SF3A3: variants seen among roughly 807,000 people sequenced by gnomAD.
The protein encoded by SF3A3 is splicing factor 3a subunit 3, also known as SAP 61.
SF3A3 carries 9 observed loss-of-function variants against 85.8 expected under a neutral mutation model. The observed-to-expected ratio is 0.10, with a 90% CI of 0.06 to 0.18. SF3A3 has a LOEUF of 0.18. SF3A3 is among the 10% of genes least tolerant of loss of function. SF3A3 has a pLI of 1.00. For missense variants in SF3A3, 306 were observed against 593.3 expected, an observed-to-expected ratio of 0.52 and a Z score of 5.03; for synonymous variants, 195 against 204.4, an observed-to-expected ratio of 0.95 and a Z score of 0.39.
intron 15 of SF3A3, among the ~76,000 whole-genome samples, chr1:37,965,831 G>A (rs1387601092): frequency 6.6e-6 from 1 of 150,574 alleles, no homozygotes; most frequent in Non-Finnish European, 1.5e-5. Context: ...AGTGGGGGGT[G>A]GGATGGGGGG....
chr1:37,962,331 C>A (rs1170434733), intron 15 of SF3A3, among the ~76,000 whole-genome samples: 1 of 137,976 alleles, frequency 7.2e-6, no homozygotes, highest in Non-Finnish European at 1.5e-5. Flanking sequence ...AGGCTGGGCG[C>A]GGTGGCTCAC....
At chr1:37,984,309 T>G in intron 5 of SF3A3, 49 bp from the exon 6 acceptor site, 1 of 1,082,186 alleles carries the variant, frequency 9.2e-7, no homozygotes, top group Non-Finnish European at 1.4e-6. Context: ...GACCACTCTC[T>G]TGGACTTACC....
intron 12 of SF3A3, among the ~76,000 whole-genome samples, chr1:37,972,222 G>A (rs961294921): frequency 2.6e-5 from 4 of 152,008 alleles, no homozygotes; most frequent in Non-Finnish European, 2.9e-5. Context: ...ACAGATAAAC[G>A]GAGAGCCAAA....
At chr1:37,979,673 T>A in intron 8 of SF3A3, 140 bp from the exon 9 acceptor site, 1 of 574,800 alleles carries the variant, frequency 1.7e-6, no homozygotes. Context: ...CAGGGAAACA[T>A]GGTGAAATCT....
rs111362437 is a variant in SF3A3 at position 37,968,012 on chromosome 1, C to T, written c.1372+32G>A. 82 of 1,377,358 alleles carry T rather than the reference C, an allele frequency of 6.0e-5. 1 individual carries two copies. Among genetic ancestry groups the T allele is most frequent in the Middle Eastern group, 1.8e-4 (1 of 5,566 alleles). 85.3% of individuals were successfully genotyped at this position (1,377,358 alleles called of 1,614,324 possible). On this transcript the variant is annotated intron_variant, in intron 15 of 16. Coordinates refer to ENST00000373019, the MANE Select transcript of SF3A3 (RefSeq NM_006802.4). ...TTGAAGGAGTAGAGCCATTTGTACT[C>T]GCCTAGGAGACAGTAAATAAATCTT... is the stretch of plus-strand genomic sequence containing the variant.
intron 9 of SF3A3, 71 bp from the exon 10 acceptor site, chr1:37,979,126 G>C: frequency 7.9e-7 from 1 of 1,259,252 alleles, no homozygotes; most frequent in Non-Finnish European, 1.2e-6. Context: ...GCAGGCCAGA[G>C]GGTGGGTGTT....
chr1:37,973,982 C>G (rs1332292596), intron 12 of SF3A3, among the ~76,000 whole-genome samples: 3 of 152,012 alleles, frequency 2.0e-5, no homozygotes, highest in Non-Finnish European at 2.9e-5. Context: ...ATCGCAAGGA[C>G]AGAAAACCAA....
At chr1:37,971,489 C>A (rs1646344293) in intron 12 of SF3A3, among the ~76,000 whole-genome samples, 2 of 152,158 alleles carry the variant, frequency 1.3e-5, no homozygotes, top group Admixed American at 6.6e-5. Context: ...AGAGGGAATC[C>A]TCCCTAACTC....
chr1:37,969,492 C>T (rs1344772349), intron 13 of SF3A3, 28 bp from the exon 14 acceptor site: 2 of 1,612,426 alleles, frequency 1.2e-6, no homozygotes, highest in Non-Finnish European at 1.7e-6. Flanking sequence ...AAAACAAAAC[C>T]AAGAAGTGTT....
In SF3A3 at chr1:37,960,353, C is replaced by T. The variant is rs557670312; in HGVS notation, c.1373-178G>A. 4.6e-5 allele frequency: 24 copies of T among 525,134 alleles called. No individual in the cohort carries two copies. The South Asian group carries it at 7.0e-4, about 15-fold the overall frequency. The allele number at this position is 525,134 out of a possible 1,614,324, so 32.5% of individuals were successfully genotyped here. On this transcript the variant is annotated intron_variant, in intron 15 of 16. Coordinates refer to ENST00000373019, the MANE Select transcript of SF3A3 (RefSeq NM_006802.4). Reference sequence around the variant, plus strand: ...CCACCTATAGACAAAACCCTTTCCACTGCAAAATTCATCATGATCTTGCTT... The same window carrying T: ...CCACCTATAGACAAAACCCTTTCCATTGCAAAATTCATCATGATCTTGCTT...
intron 6 of SF3A3, among the ~76,000 whole-genome samples, chr1:37,982,480 C>T (rs1646426191): frequency 6.6e-6 from 1 of 151,820 alleles, no homozygotes; most frequent in South Asian, 2.1e-4. Context: ...AAGCGATTCT[C>T]CTGCCTCAGC....
intron 6 of SF3A3, 128 bp from the exon 7 acceptor site, chr1:37,981,939 TTTGG>T: frequency 1.7e-6 from 1 of 591,788 alleles, no homozygotes; most frequent in Non-Finnish European, 2.9e-6. Context: ...GCTGGCTAAT[TTTGG>T]TTTTTTTTGC....
At chr1:37,963,543 GA>G (rs1465837825) in intron 15 of SF3A3, among the ~76,000 whole-genome samples, 1 of 151,670 alleles carries the variant, frequency 6.6e-6, no homozygotes, top group Non-Finnish European at 1.5e-5. Context: ...GAAGAATCAT[GA>G]AACTGCCAAT....
intron 11 of SF3A3, 69 bp from the exon 12 acceptor site, chr1:37,977,022 G>C: frequency 1.9e-6 from 2 of 1,068,078 alleles, no homozygotes; most frequent in Non-Finnish European, 2.9e-6. Flanking sequence ...CTATATCTGG[G>C]AACATTTATT....
At chr1:37,983,359 G>A (rs915149443) in intron 6 of SF3A3, among the ~76,000 whole-genome samples, 76 of 151,184 alleles carry the variant, frequency 5.0e-4, no homozygotes, top group Non-Finnish European at 8.4e-4. Flanking sequence ...CAAGACAGAC[G>A]GATTGCTTGA....
In SF3A3 at chr1:37,960,570, A is replaced by G. The variant is rs542073707; in HGVS notation, c.1373-395T>C. The G allele has an allele frequency of 2.2e-4, 39 of 176,264 alleles. 1 individual carries two copies. In the South Asian group the frequency reaches 5.9e-3, roughly 27 times the overall value. 10.9% of individuals were successfully genotyped at this position (176,264 alleles called of 1,614,324 possible). On this transcript the variant is annotated intron_variant, in intron 15 of 16. Transcript: ENST00000373019. ...TGAAGGAGAAAAGGTAAAGACATCC[A>G]AAAAAATCATTGTAGCTTCAGAAGG...
chr1:37,968,334 T>C (rs1039422284), intron 14 of SF3A3, among the ~76,000 whole-genome samples, 200 bp from the exon 15 acceptor site: 1 of 152,196 alleles, frequency 6.6e-6, no homozygotes, highest in Non-Finnish European at 1.5e-5. Flanking sequence ...ACTGCATTGT[T>C]TGCCTCACTG....
In SF3A3 at chr1:37,969,552, T is replaced by G; in HGVS notation, c.1170+19A>C. ...TCCAAAATGGGGAATGGGGAGAAAG[T>G]GGTAGTGCTGAGACTTACTTTGCCA... is the stretch of plus-strand genomic sequence containing the variant. On this transcript the variant is annotated intron_variant, in intron 13 of 16. Transcript: ENST00000373019. 1.2e-6 allele frequency: 2 copies of G among 1,614,154 alleles called. No homozygotes were observed. The highest frequency in any genetic ancestry group is 1.7e-6 in the Non-Finnish European group (2 of 1,180,022).
intron 6 of SF3A3, 85 bp downstream of exon 6, chr1:37,984,084 C>CAT: frequency 1.5e-6 from 1 of 657,624 alleles, no homozygotes; most frequent in Non-Finnish European, 2.7e-6. Context: ...AGACACTTTA[C>CAT]AATGGCTTCA....
Sources: gnomAD v4.1 joint callset for allele counts (sites outside exome capture counted in the v4.1 genomes callset) on GRCh38, gnomAD v4.1.1 for gene constraint, MANE v1.5 for transcripts, NCBI Gene and HGNC (gene_info 2026-07-23, HGNC 2026-07-21) for gene names.